Variants in MORN1 observed in about 807,000 individuals in gnomAD.
MORN1 encodes MORN repeat containing 1.
A neutral mutation model predicts 61.9 loss-of-function variants in MORN1; 67 were observed. The observed-to-expected ratio is 1.08, with a 90% confidence interval of 0.89 to 1.33. MORN1 has a LOEUF of 1.33. Among genes scored for constraint, MORN1 ranks in the 40% most tolerant of loss-of-function variants. MORN1 has a pLI of 0.00. For missense variants in MORN1, 752 were observed against 691.2 expected, an observed-to-expected ratio of 1.09 and a Z score of -0.99; for synonymous variants, 301 against 292.0, an observed-to-expected ratio of 1.03 and a Z score of -0.31.
At chr1:2,325,275 T>TTCTCTCTCTCTCCTCTCTC (rs1641000557) in intron 12 of MORN1, among the ~76,000 whole-genome samples, 1 of 107,970 alleles carries the variant, frequency 9.3e-6, no homozygotes, top group Non-Finnish European at 1.8e-5. Flanking sequence ...CTGCCTCTCT[T>TTCTCTCTCTCTCCTCTCTC]TCTCTCTCTC....
At chr1:2,329,911 C>T (rs1042149718) in intron 12 of MORN1, among the ~76,000 whole-genome samples, 1 of 152,158 alleles carries the variant, frequency 6.6e-6, no homozygotes, top group Admixed American at 6.5e-5. Flanking sequence ...GGCTGCTGGG[C>T]TGACTGTGTT....
At chr1:2,379,648 C>T (rs904910724) in intron 6 of MORN1, among the ~76,000 whole-genome samples, 1 of 152,104 alleles carries the variant, frequency 6.6e-6, no homozygotes, top group Non-Finnish European at 1.5e-5. Context: ...GTGGTGGCCA[C>T]GGCTGACAGT....
At chr1:2,340,887 C>A (rs1000445673) in intron 10 of MORN1, among the ~76,000 whole-genome samples, 44 of 152,230 alleles carry the variant, frequency 2.9e-4, no homozygotes, top group Non-Finnish European at 5.4e-4. Context: ...GTGGCCGCCA[C>A]ACAGACGGCC....
At position 2,357,217 on chromosome 1, in the gene MORN1, C is replaced by T. The variant is rs999185860; in HGVS notation, c.1036+215G>A. ...CAGCCCCTGCCAGGCTCACGGCAGA[C>T]GAACAATCGGCTTGAGCCTCCGCAG... On this transcript the variant is annotated intron_variant, in intron 10 of 13. Transcript: ENST00000378531. The surrounding 1 kb of genome is among the most constrained non-coding windows in gnomAD (Gnocchi z 6.3). Among the ~76,000 whole-genome samples, 5 of 152,208 alleles carry T rather than the reference C, an allele frequency of 3.3e-5. No individual in the cohort carries two copies. Among genetic ancestry groups the T allele is most frequent in the African/African-American group, 7.2e-5 (3 of 41,452 alleles).
chr1:2,390,980 A>G (rs1167725407), intron 1 of MORN1, among the ~76,000 whole-genome samples: 1 of 152,148 alleles, frequency 6.6e-6, no homozygotes. Context: ...TCCTGACCTC[A>G]GGTGATCCAC....
At chr1:2,378,313 T>G (rs1272769663) in intron 6 of MORN1, 1 of 152,762 alleles carries the variant, frequency 6.5e-6, no homozygotes, top group Non-Finnish European at 1.5e-5. Context: ...CCATGCGTGC[T>G]CAAACACCCC....
intron 6 of MORN1, 62 bp downstream of exon 6, chr1:2,384,910 CCCCACG>C: frequency 7.3e-7 from 1 of 1,377,532 alleles, no homozygotes; most frequent in Non-Finnish European, 9.8e-7. Context: ...TCCCCATACA[CCCCACG>C]CGCCCTGCCC....
intron 12 of MORN1, among the ~76,000 whole-genome samples, chr1:2,324,806 A>T (rs2843148): frequency 0.71 from 108,548 of 152,036 alleles, 40,332 homozygotes; most frequent in African/African-American, 0.92. Context: ...GGGTTTCTGA[A>T]CTGCAACAAG....
chr1:2,355,048 T>A (rs1641730383), intron 10 of MORN1: 1 of 537,964 alleles, frequency 1.9e-6, no homozygotes, highest in African/African-American at 2.1e-5. Flanking sequence ...CCAGGTAGGA[T>A]CCGCCCCAGA....
intron 6 of MORN1, among the ~76,000 whole-genome samples, chr1:2,383,247 A>G (rs1222479806): frequency 1.3e-5 from 2 of 152,202 alleles, no homozygotes; most frequent in South Asian, 2.1e-4. Context: ...TGTGGGAGGT[A>G]GTGTTTCTAC....
rs1046103998 is a variant in MORN1 at position 2,323,002 on chromosome 1, G to A, written c.1297+1095C>T. The A allele has an allele frequency of 4.9e-5, 48 of 985,436 alleles. No individual in the cohort carries two copies. In the African/African-American group the frequency reaches 5.6e-4, roughly 11 times the overall value. 61.0% of individuals were successfully genotyped at this position (985,436 alleles called of 1,614,324 possible). A position where few individuals can be genotyped will look rare whatever the true frequency, so the allele number is the denominator to read the frequency against. ...CTTAGCCCCAAGTGGCCCCTGAATC[G>A]GATCTCCCTTCGCTCCTCACCCCCA... On this transcript the variant is annotated intron_variant, in intron 13 of 13. Transcript: ENST00000378531.
At chr1:2,385,557 G>T in intron 5 of MORN1, 1 of 349,254 alleles carries the variant, frequency 2.9e-6, no homozygotes, top group Non-Finnish European at 5.3e-6. Context: ...ATCGGGGGGG[G>T]GGGGGATGTT....
chr1:2,336,044 G>C (rs1040660980), intron 12 of MORN1, among the ~76,000 whole-genome samples: 1 of 152,176 alleles, frequency 6.6e-6, no homozygotes, highest in Non-Finnish European at 1.5e-5. Context: ...CCGCCTGCAC[G>C]TGCCGCGGTG....
At chr1:2,331,142 C>T (rs1641140161) in intron 12 of MORN1, among the ~76,000 whole-genome samples, 1 of 152,198 alleles carries the variant, frequency 6.6e-6, no homozygotes, top group African/African-American at 2.4e-5. Context: ...CCTGTCTCCC[C>T]TCCCACAAGC....
intron 12 of MORN1, among the ~76,000 whole-genome samples, chr1:2,336,018 ACCCCCCACGGTGTC>A (rs1274834223): frequency 6.6e-6 from 1 of 150,436 alleles, no homozygotes; most frequent in Admixed American, 6.6e-5. Context: ...ACGGCCACAA[ACCCCCCACGGTGTC>A]CCCGCCTGCA....
At position 2,324,008 on chromosome 1, in the gene MORN1, C is replaced by T. The variant is rs539529014; in HGVS notation, c.1297+89G>A. The T allele has an allele frequency of 1.8e-5, 27 of 1,484,836 alleles. No homozygotes were observed. The East Asian group carries it at 5.3e-4, about 29-fold the overall frequency. The allele number at this position is 1,484,836 out of a possible 1,614,324, so 92.0% of individuals were successfully genotyped here. ...ACCTCTGGGGGCCCCGGGCCGAGTTCCCCCAACCCCACCTCCAGCCCTGGG... is the reference window on the plus strand; with the variant it reads ...ACCTCTGGGGGCCCCGGGCCGAGTTTCCCCAACCCCACCTCCAGCCCTGGG... On this transcript the variant is annotated intron_variant, in intron 13 of 13. Transcript: ENST00000378531.
At position 2,384,925 on chromosome 1, in the gene MORN1, C is replaced by G. The variant is rs1285041134; in HGVS notation, c.537+53G>C. On this transcript the variant is annotated intron_variant, in intron 6 of 13. Coordinates refer to ENST00000378531, the MANE Select transcript of MORN1 (RefSeq NM_024848.3). ...TCCCCATACACCCCACGCGCCCTGC[C>G]CACCACGAGGCCTGTACCCTCTGGG... 4 of 1,464,442 alleles carry G rather than the reference C, an allele frequency of 2.7e-6. No homozygotes were observed. The African/African-American group carries it at 5.6e-5, about 21-fold the overall frequency. 90.7% of individuals were successfully genotyped at this position (1,464,442 alleles called of 1,614,324 possible).
chr1:2,367,606 G>A (rs927270033), intron 8 of MORN1, among the ~76,000 whole-genome samples: 5 of 152,052 alleles, frequency 3.3e-5, no homozygotes, highest in African/African-American at 4.8e-5. Flanking sequence ...GATTAATACC[G>A]AACGGTTCAC....
intron 12 of MORN1, among the ~76,000 whole-genome samples, chr1:2,327,165 GACAGAA>G: frequency 8.1e-6 from 1 of 123,798 alleles, no homozygotes; most frequent in East Asian, 2.4e-4. Flanking sequence ...GAAACACACA[GACAGAA>G]ACAAACACAG....
Sources: allele counts gnomAD v4.1 joint callset (sites outside exome capture counted in the v4.1 genomes callset), GRCh38; gene constraint gnomAD v4.1.1; non-coding constraint Gnocchi (gnomAD v3.1); transcripts MANE v1.5; gene names NCBI Gene and HGNC (gene_info 2026-07-23, HGNC 2026-07-21).